Variants in SCP2 observed in about 807,000 individuals in gnomAD.
The protein encoded by SCP2 is SCP-2/3-oxoacyl-CoA thiolase.
SCP2 carries 48 observed loss-of-function variants against 71.4 expected under a neutral mutation model. The ratio of observed to expected loss-of-function variants is 0.67; its 90% CI spans 0.53 to 0.86. The LOEUF (loss-of-function observed/expected upper bound fraction) is 0.86, where lower values mean the gene tolerates loss of function less well. SCP2 is among the 40% of genes least tolerant of loss of function. SCP2 has a pLI of 0.00. For missense variants in SCP2, 560 were observed against 655.6 expected (o/e 0.85, Z 1.59); for synonymous variants, 220 against 218.1 (o/e 1.01, Z -0.08).
intron 11 of SCP2, among the ~76,000 whole-genome samples, chr1:52,988,950 C>T (rs1659234473): frequency 6.6e-6 from 1 of 152,138 alleles, no homozygotes; most frequent in Non-Finnish European, 1.5e-5. Flanking sequence ...CCTCAGCCTC[C>T]CAGAGTGCTG....
In SCP2 at chr1:52,996,069, A is replaced by T. The variant is rs1014725821; in HGVS notation, c.1081+7933A>T. ...CTCAGGCTTCTCAGTTCCCTTAGCC[A>T]TCTTACTCACCTGCCCCTTTTCTCT... On this transcript the variant is annotated intron_variant, in intron 11 of 15. Coordinates refer to ENST00000371514, the MANE Select transcript of SCP2 (RefSeq NM_002979.5). The T allele has an allele frequency of 7.9e-6, 8 of 1,010,040 alleles. No individual in the cohort carries two copies. The African/African-American group carries it at 9.9e-5, about 13-fold the overall frequency. 62.6% of individuals were successfully genotyped at this position (1,010,040 alleles called of 1,614,324 possible). A position where few individuals can be genotyped will look rare whatever the true frequency, so the allele number is the denominator to read the frequency against.
chr1:52,931,815 T>C (rs1653175848), intron 1 of SCP2, among the ~76,000 whole-genome samples: 1 of 151,674 alleles, frequency 6.6e-6, no homozygotes, highest in African/African-American at 2.4e-5. Flanking sequence ...AACAACAAAA[T>C]ACTAAGGAAA....
chr1:53,003,446 C>T (rs980072183), intron 11 of SCP2, among the ~76,000 whole-genome samples: 1 of 152,146 alleles, frequency 6.6e-6, no homozygotes, highest in Non-Finnish European at 1.5e-5. Flanking sequence ...TCTCGAACTC[C>T]TGGGATAAAG....
intron 2 of SCP2, among the ~76,000 whole-genome samples, chr1:52,947,594 A>G (rs1255431681): frequency 6.6e-6 from 1 of 152,060 alleles, no homozygotes; most frequent in African/African-American, 2.4e-5. Context: ...TCACCTCTTG[A>G]TCTTTTCTTT....
At chr1:52,993,929 T>C in intron 11 of SCP2, 1 of 1,374,340 alleles carries the variant, frequency 7.3e-7, no homozygotes, top group Non-Finnish European at 9.4e-7. Context: ...ATACTAGCTT[T>C]TATCGGTAGC....
In SCP2 at chr1:52,943,558, G is replaced by A. The variant is rs1406872454; in HGVS notation, c.127+1705G>A. 5.3e-5 allele frequency: 17 copies of A among 318,224 alleles called. No homozygotes were observed. In the East Asian group the frequency reaches 1.7e-3, roughly 31 times the overall value. The allele number at this position is 318,224 out of a possible 1,614,324, so 19.7% of individuals were successfully genotyped here. On this transcript the variant is annotated intron_variant, in intron 2 of 15. Coordinates refer to ENST00000371514, the MANE Select transcript of SCP2 (RefSeq NM_002979.5). ...CTTAAGCACATTCTCTGCATATGTAGTATGCTAGCTTGATGTCTGTTGTTA... is the reference window on the plus strand; with the variant it reads ...CTTAAGCACATTCTCTGCATATGTAATATGCTAGCTTGATGTCTGTTGTTA...
chr1:52,957,622 CTG>C (rs1377230256), intron 5 of SCP2, among the ~76,000 whole-genome samples: 1 of 152,250 alleles, frequency 6.6e-6, no homozygotes, highest in Non-Finnish European at 1.5e-5. Flanking sequence ...TGAGCCATGA[CTG>C]TGCCACTGCA....
At chr1:52,974,127 G>T (rs1657733660) in intron 6 of SCP2, among the ~76,000 whole-genome samples, 1 of 151,326 alleles carries the variant, frequency 6.6e-6, no homozygotes, top group African/African-American at 2.4e-5. Flanking sequence ...TTTTTTCTTT[G>T]GCCTTTACAG....
At chr1:52,972,353 A>G (rs1315200311) in intron 6 of SCP2, among the ~76,000 whole-genome samples, 1 of 152,264 alleles carries the variant, frequency 6.6e-6, no homozygotes, top group East Asian at 1.9e-4. Flanking sequence ...GCCAGGCTTA[A>G]TAAATATGTA....
chr1:52,957,745 C>T (rs535452221), intron 5 of SCP2, among the ~76,000 whole-genome samples: 32 of 152,288 alleles, frequency 2.1e-4, no homozygotes, highest in African/African-American at 7.7e-4. Flanking sequence ...AATGCCAAAC[C>T]CAAGGTCATC....
chr1:52,930,361 A>C (rs1466105923), intron 1 of SCP2, among the ~76,000 whole-genome samples: 15 of 152,002 alleles, frequency 9.9e-5, no homozygotes, highest in Admixed American at 9.8e-4. Context: ...GTGGTAGCTC[A>C]TGCCTGAAAT....
chr1:52,944,878 C>T (rs1045962789), intron 2 of SCP2, among the ~76,000 whole-genome samples: 17 of 151,832 alleles, frequency 1.1e-4, no homozygotes, highest in African/African-American at 4.1e-4. Flanking sequence ...AACTCCTGAC[C>T]TCGGGTGATC....
At chr1:52,990,858 G>A (rs75764355) in intron 11 of SCP2, among the ~76,000 whole-genome samples, 2,758 of 152,146 alleles carry the variant, frequency 0.018, 92 homozygotes, top group African/African-American at 0.063. Context: ...AAGAGATTAG[G>A]CCACAAAAGT....
Position 53,038,944 on chromosome 1 carries a change from G to C in SCP2, c.1366G>C (p.Gly456Arg). The C allele has an allele frequency of 6.2e-7, 1 of 1,614,062 alleles. No homozygotes were observed. Reference sequence around the variant, plus strand: ...AGGGGAACAGTTTGTGAAGAAAATCGGTGGTATTTTTGCCTTCAAGGTGAA... The same window carrying C: ...AGGGGAACAGTTTGTGAAGAAAATCCGTGGTATTTTTGCCTTCAAGGTGAA... ...EEGEQFVKKI[G>R]GIFAFKVKDG... is the part of the protein sequence containing the mutation. Residue 456 changes from glycine (G) to arginine (R), a missense_variant, in exon 14 of 16, where the codon GGT becomes CGT. By Grantham distance (125) the Gly-to-Arg change is moderately radical (BLOSUM62 -2). Coordinates refer to ENST00000371514, the MANE Select transcript of SCP2 (RefSeq NM_002979.5).
chr1:53,026,787 G>T (rs900216630), intron 12 of SCP2, among the ~76,000 whole-genome samples: 1 of 152,056 alleles, frequency 6.6e-6, no homozygotes, highest in Non-Finnish European at 1.5e-5. Context: ...CAGCCTGGGC[G>T]ACAGAGTCCC....
rs746730267 is a variant in SCP2 at position 52,950,880 on chromosome 1, C to T, written c.325C>T (p.Gln109Ter). The T allele has an allele frequency of 6.2e-6, 10 of 1,613,906 alleles. No individual in the cohort carries two copies. The highest frequency in any genetic ancestry group is 7.6e-6 in the Non-Finnish European group (9 of 1,179,890). The change falls in exon 4 of 16, where the codon CAG (glutamine) becomes TAG (stop). Residue 109 changes from glutamine to a stop codon, truncating the protein, a stop_gained. Coordinates refer to ENST00000371514, the MANE Select transcript of SCP2 (RefSeq NM_002979.5). LOFTEE classifies it high-confidence loss of function. The part of the protein sequence containing the change: ...TALFMARQLI[Q>*]GGVAECVLAL... ...TTTGTTTATGGCCCGCCAGCTGATT[C>T]AGGGTGGTAAGGAGTGCTTGTCTAG...
intron 14 of SCP2, among the ~76,000 whole-genome samples, chr1:53,044,679 A>C (rs1423978782): frequency 6.6e-6 from 1 of 152,218 alleles, no homozygotes; most frequent in Non-Finnish European, 1.5e-5. Context: ...GCTAATTCTT[A>C]ATGAGAGGAG....
At chr1:52,978,960 C>T (rs1423092755) in intron 9 of SCP2, among the ~76,000 whole-genome samples, 2 of 152,128 alleles carry the variant, frequency 1.3e-5, no homozygotes. Context: ...GATGAAAATT[C>T]AGACCTAGAG....
intron 4 of SCP2, among the ~76,000 whole-genome samples, chr1:52,954,223 A>G (rs1655592362): frequency 6.6e-6 from 1 of 151,208 alleles, no homozygotes; most frequent in South Asian, 2.1e-4. Context: ...CTGAGGTGGG[A>G]GGATCGTTTG....
Sources: allele counts gnomAD v4.1 joint callset (sites outside exome capture counted in the v4.1 genomes callset), GRCh38; gene constraint gnomAD v4.1.1; transcripts MANE v1.5; gene names NCBI Gene and HGNC (gene_info 2026-07-23, HGNC 2026-07-21).